The following FBXO47 variants were observed in gnomAD, a reference collection of about 807,000 sequenced individuals.
FBXO47 encodes F-box protein 47.
FBXO47 carries 34 observed loss-of-function variants against 53.9 expected under a neutral mutation model. The ratio of observed to expected loss-of-function variants is 0.63; its 90% CI spans 0.48 to 0.84. The LOEUF (loss-of-function observed/expected upper bound fraction) is 0.84, where lower values mean the gene tolerates loss of function less well. Among genes scored for constraint, FBXO47 ranks in the 40% least tolerant of loss-of-function variants. The pLI is 0.00. For synonymous variants in FBXO47, 165 were observed against 181.6 expected, an observed-to-expected ratio of 0.91 and a Z score of 0.73; for missense variants, 485 against 541.3, an observed-to-expected ratio of 0.90 and a Z score of 1.03.
chr17:38,960,266 CAA>C (rs533646620), intron 3 of FBXO47, among the ~76,000 whole-genome samples: 1 of 139,388 alleles, frequency 7.2e-6, no homozygotes. Flanking sequence ...GATCCCATCT[CAA>C]AAAAAAAAAT....
chr17:38,943,564 T>C, intron 8 of FBXO47, 26 bp downstream of exon 8: 1 of 1,408,430 alleles, frequency 7.1e-7, no homozygotes, highest in East Asian at 2.5e-5. Flanking sequence ...TTTCTATTAT[T>C]CTATGTTAGT....
chr17:38,962,115 T>G (rs1905841680), intron 2 of FBXO47, 68 bp from the exon 3 acceptor site: 2 of 1,232,782 alleles, frequency 1.6e-6, no homozygotes, highest in Non-Finnish European at 2.3e-6. Context: ...ATTAACACAG[T>G]CTATTAACTT....
intron 3 of FBXO47, among the ~76,000 whole-genome samples, chr17:38,961,485 C>T (rs1345512351): frequency 2.6e-5 from 4 of 152,036 alleles, no homozygotes; most frequent in African/African-American, 9.7e-5. Context: ...AAATAGTCTT[C>T]CATAATAATG....
At chr17:38,941,102 A>T (rs968794890) in intron 9 of FBXO47, among the ~76,000 whole-genome samples, 4 of 151,680 alleles carry the variant, frequency 2.6e-5, no homozygotes, top group Non-Finnish European at 5.9e-5. Flanking sequence ...TTCCCACTTC[A>T]GCTCCTGAGT....
chr17:38,960,374 T>C (rs1905764696), intron 3 of FBXO47, among the ~76,000 whole-genome samples: 1 of 152,096 alleles, frequency 6.6e-6, no homozygotes. Flanking sequence ...AACCAAGTGT[T>C]TGCATCAAAA....
Position 38,949,740 on chromosome 17 carries a change from T to C in FBXO47, c.616+1841A>G, listed in dbSNP as rs183257216. 1.8e-3 allele frequency among the ~76,000 whole-genome samples: 281 copies of C among 152,286 alleles called. 1 individual carries two copies. The highest frequency in any genetic ancestry group is 6.7e-3 in the African/African-American group (278 of 41,576). ...GAATGTGAAATGGTATATTACTATT[T>C]CTTTGCTTTTCTGAGACAGTGTCTC... On this transcript the variant is annotated intron_variant, in intron 6 of 10. Transcript: ENST00000378079.
chr17:38,939,126 T>C (rs1904375734), intron 9 of FBXO47, among the ~76,000 whole-genome samples: 1 of 150,786 alleles, frequency 6.6e-6, no homozygotes, highest in South Asian at 2.1e-4. Context: ...AAACCCTGTC[T>C]CTACTAAAAT....
At chr17:38,944,848 A>ATGCATGTGTGTGTGTGTGTGTGTGTGTG (rs150367922) in intron 7 of FBXO47, 112 bp downstream of exon 7, 4 of 616,812 alleles carry the variant, frequency 6.5e-6, no homozygotes, top group African/African-American at 3.8e-5. Flanking sequence ...GCGTGCATGC[A>ATGCATGTGTGTGTGTGTGTGTGTGTGTG]TGTGTGTGTG....
At chr17:38,967,090 A>T (rs1293460396) in intron 1 of FBXO47, 139 bp downstream of exon 1, 1 of 152,148 alleles carries the variant, frequency 6.6e-6, no homozygotes, top group Non-Finnish European at 1.5e-5. Flanking sequence ...ACATCTCCAA[A>T]GCCGCAAACT....
chr17:38,956,004 C>T (rs1412771316), intron 4 of FBXO47, among the ~76,000 whole-genome samples: 2 of 142,878 alleles, frequency 1.4e-5, no homozygotes, highest in African/African-American at 2.7e-5. Flanking sequence ...AGTGTGGTGG[C>T]ACACGCCTGT....
chr17:38,951,735 C>A, intron 5 of FBXO47, 46 bp from the exon 6 acceptor site: 1 of 1,436,892 alleles, frequency 7.0e-7, no homozygotes, highest in South Asian at 1.2e-5. Flanking sequence ...ACTATCAAGT[C>A]AAAACATAAG....
intron 3 of FBXO47, among the ~76,000 whole-genome samples, chr17:38,959,304 C>T (rs757318084): frequency 9.9e-5 from 15 of 151,744 alleles, no homozygotes; most frequent in Non-Finnish European, 1.8e-4. Context: ...TATAATTGGC[C>T]GAGTACGGTG....
chr17:38,947,055 T>C (rs1480671811), intron 6 of FBXO47, among the ~76,000 whole-genome samples: 1 of 136,722 alleles, frequency 7.3e-6, no homozygotes, highest in Non-Finnish European at 1.5e-5. Flanking sequence ...TATAAAAACA[T>C]ATATAAATAT....
At position 38,951,578 on chromosome 17, in the gene FBXO47, T is replaced by A; in HGVS notation, c.616+3A>T. On this transcript the variant is annotated splice_donor_region_variant and intron_variant, in intron 6 of 10. Coordinates refer to ENST00000378079, the MANE Select transcript of FBXO47 (RefSeq NM_001008777.3). ...ATATTATATGCAAATTATAGTTTTT[T>A]ACCTGGTTTGCTGCAGACAGCCATT... The A allele has an allele frequency of 6.3e-7, 1 of 1,597,988 alleles. No homozygotes were observed. The highest frequency in any genetic ancestry group is 8.6e-7 in the Non-Finnish European group (1 of 1,168,564).
At chr17:38,946,618 A>G (rs1196374886) in intron 6 of FBXO47, among the ~76,000 whole-genome samples, 3 of 86,928 alleles carry the variant, frequency 3.5e-5, no homozygotes, top group African/African-American at 1.1e-4. Context: ...ATATAACTAT[A>G]TAAATATATA....
At chr17:38,946,337 T>C (rs1292115353) in intron 6 of FBXO47, among the ~76,000 whole-genome samples, 2 of 89,830 alleles carry the variant, frequency 2.2e-5, no homozygotes, top group East Asian at 7.5e-4. Flanking sequence ...TATATAAATA[T>C]ATATAAATAT....
chr17:38,937,724 G>A (rs1359892402), intron 10 of FBXO47, among the ~76,000 whole-genome samples: 1 of 151,896 alleles, frequency 6.6e-6, no homozygotes, highest in African/African-American at 2.4e-5. Context: ...CTGGAGTGCA[G>A]TGGCACAATC....
chr17:38,947,131 A>AATATAT lies in FBXO47; in HGVS notation c.617-2001_617-1996dup, dbSNP rs559228453. Among the ~76,000 whole-genome samples the AATATAT allele has an allele frequency of 2.8e-3, 384 of 137,814 alleles. 3 individuals carry two copies. Among genetic ancestry groups the AATATAT allele is most frequent in the African/African-American group, 9.7e-3 (366 of 37,782 alleles). The allele number at this position is 137,814 out of a possible 152,430, so 90.4% of individuals were successfully genotyped here. Reference sequence around the variant, plus strand: ...ACATATATATATAAACATATATATAAATATATATATATATAGTAGCCAGGC... The same window carrying AATATAT: ...ACATATATATATAAACATATATATAAATATATATATATATATATATAGTAGCCAGGC... On this transcript the variant is annotated intron_variant, in intron 6 of 10. Coordinates refer to ENST00000378079, the MANE Select transcript of FBXO47 (RefSeq NM_001008777.3).
chr17:38,965,865 A>G (rs959910633), intron 1 of FBXO47, among the ~76,000 whole-genome samples: 7 of 150,798 alleles, frequency 4.6e-5, no homozygotes, highest in African/African-American at 1.7e-4. Context: ...CCTGGGTGAC[A>G]GAGCAAGAAT....
Sources: gnomAD v4.1 joint callset for allele counts (sites outside exome capture counted in the v4.1 genomes callset) on GRCh38, gnomAD v4.1.1 for gene constraint, MANE v1.5 for transcripts, NCBI Gene and HGNC (gene_info 2026-07-23, HGNC 2026-07-21) for gene names.